PLEKHG3: variants seen among roughly 807,000 people sequenced by gnomAD.
PLEKHG3 encodes the protein pleckstrin homology and RhoGEF domain containing G3.
Under a neutral mutation model 94.9 loss-of-function variants are expected in PLEKHG3, and 62 were observed. The ratio of observed to expected loss-of-function variants is 0.65; its 90% CI spans 0.53 to 0.81. The LOEUF (loss-of-function observed/expected upper bound fraction) is 0.81, where lower values mean the gene tolerates loss of function less well. Among genes scored for constraint, PLEKHG3 ranks in the 30% least tolerant of loss-of-function variants. The pLI, the probability that PLEKHG3 is intolerant of heterozygous loss-of-function variation, is 0.00. For missense variants in PLEKHG3, 1,461 were observed against 1,619.3 expected (o/e 0.90, Z 1.68); for synonymous variants, 614 against 654.0 (o/e 0.94, Z 0.93).
Position 64,750,001 on chromosome 14 carries a change from C to CTT in PLEKHG3, c.*6299_*6300dup. On this transcript the variant is annotated 3_prime_UTR_variant, in exon 17 of 17. Coordinates refer to ENST00000247226, the MANE Select transcript of PLEKHG3 (RefSeq NM_001308147.2). Reference sequence around the variant, plus strand: ...CTCACCTCAGCTTAAAGACGTGCTTCTTCTTCTTGTAGTTGGCAGCAATCT... The same window carrying CTT: ...CTCACCTCAGCTTAAAGACGTGCTTCTTTTCTTCTTGTAGTTGGCAGCAATCT... The CTT allele has an allele frequency of 6.2e-7, 1 of 1,614,158 alleles. No homozygotes were observed. Among genetic ancestry groups the CTT allele is most frequent in the Non-Finnish European group, 8.5e-7 (1 of 1,179,978 alleles).
At chr14:64,711,769 AT>A (rs1003742763) in intron 1 of PLEKHG3, among the ~76,000 whole-genome samples, 44 of 152,024 alleles carry the variant, frequency 2.9e-4, no homozygotes, top group Admixed American at 2.6e-4. Context: ...ATTTACAGAT[AT>A]TTTTTCCCAT....
intron 15 of PLEKHG3, 80 bp from the exon 16 acceptor site, chr14:64,740,956 C>T: frequency 8.5e-7 from 1 of 1,177,484 alleles, no homozygotes; most frequent in Non-Finnish European, 1.2e-6. Context: ...GGGCCTTGAG[C>T]AGGCCATGCT....
chr14:64,732,471 C>A lies in PLEKHG3; in HGVS notation c.1246+11C>A. ...AAATGGATTCCTATTGTAAGTGTACCCTTTTCTGCCTGTTTTGTCCCTAAT... is the reference window on the plus strand; with the variant it reads ...AAATGGATTCCTATTGTAAGTGTACACTTTTCTGCCTGTTTTGTCCCTAAT... On this transcript the variant is annotated intron_variant, in intron 11 of 16. Transcript: ENST00000247226. This position sits in a 1 kb window ranked among gnomAD's most constrained non-coding sequence, Gnocchi z 4.9. 6.2e-7 allele frequency: 1 copy of A among 1,611,496 alleles called. No homozygotes were observed. Among genetic ancestry groups the A allele is most frequent in the Non-Finnish European group, 8.5e-7 (1 of 1,177,644 alleles).
rs1477959185 is a variant in PLEKHG3, at chr14:64,738,784, A to G, written c.1447A>G (p.Arg483Gly). 5.6e-6 allele frequency: 9 copies of G among 1,600,076 alleles called. No individual in the cohort carries two copies. The South Asian group carries it at 1.0e-4, about 18-fold the overall frequency. The change falls in exon 15 of 17, where the codon AGG (arginine) becomes GGG (glycine). Residue 483 changes from arginine (R) to glycine (G), a missense_variant. Around this residue, in one of 3 missense-constraint regions of PLEKHG3, gnomAD observed 1,201 missense variants for 1,295.5 expected, o/e 0.93. Coordinates refer to ENST00000247226, the MANE Select transcript of PLEKHG3 (RefSeq NM_001308147.2). This position sits in a 1 kb window ranked among gnomAD's most constrained non-coding sequence, Gnocchi z 4.8. ...GTCTGAAAGCTCCAGGAGCAGCAGA[A>G]GGCCCAGTGGCCGGTCTCCAACCAG... ...RESESSRSSR[R>G]PSGRSPTSTE... is the part of the protein sequence containing the mutation.
At chr14:64,724,029 T>C (rs901299667) in intron 1 of PLEKHG3, 1 of 152,096 alleles carries the variant, frequency 6.6e-6, no homozygotes, top group Admixed American at 6.6e-5. Flanking sequence ...TCTTCCGAGA[T>C]GTGTTTGAAG....
chr14:64,749,385 G>A lies in PLEKHG3; in HGVS notation c.*5682G>A. ...GCTGGCGTCGGGGCCGGAGAGGGAA[G>A]GCAGGGGCAGGCTCTGCGCCTTGAC... On this transcript the variant is annotated 3_prime_UTR_variant, in exon 17 of 17. Transcript: ENST00000247226. This position sits in a 1 kb window ranked among gnomAD's most constrained non-coding sequence, Gnocchi z 4.7. 1.2e-6 allele frequency: 2 copies of A among 1,609,888 alleles called. No homozygotes were observed. Among genetic ancestry groups the A allele is most frequent in the African/African-American group, 1.3e-5 (1 of 75,062 alleles).
rs977897330 is a variant in PLEKHG3, at chr14:64,745,557, C to T, written c.*1854C>T. 6.6e-6 allele frequency: 1 copy of T among 152,438 alleles called. No individual in the cohort carries two copies. The highest frequency in any genetic ancestry group is 2.4e-5 in the African/African-American group (1 of 41,476). 9.4% of individuals were successfully genotyped at this position (152,438 alleles called of 1,614,324 possible). A position where few individuals can be genotyped will look rare whatever the true frequency, so the allele number is the denominator to read the frequency against. ...CTCACTGCAACCTCCGCCTCCCTGA[C>T]CCTCACACTGTCCAGTGCCCTTGTG... On this transcript the variant is annotated 3_prime_UTR_variant, in exon 17 of 17. Transcript: ENST00000247226. This position sits in a 1 kb window ranked among gnomAD's most constrained non-coding sequence, Gnocchi z 5.0.
In PLEKHG3 at chr14:64,727,725, A is replaced by T. The variant is rs754229198; in HGVS notation, c.94A>T (p.Ser32Cys). The T allele has an allele frequency of 1.2e-6, 2 of 1,612,152 alleles. No homozygotes were observed. The highest frequency in any genetic ancestry group is 2.2e-5 in the South Asian group (2 of 91,004). Residue 32 changes from serine (S) to cysteine (C), a missense_variant, in exon 2 of 17, where the codon AGT becomes TGT. This residue lies in a region of PLEKHG3 where 253 missense variants were observed against 297.8 expected (regional missense o/e 0.85). Transcript: ENST00000247226. This position sits in a 1 kb window ranked among gnomAD's most constrained non-coding sequence, Gnocchi z 6.0. ...CTCCTCGTCGGGCTCCTCCTGTGAC[A>T]GTCGCAGTGCCATGGAGGAGCCCAG... ...TTSSSGSSCD[S>C]RSAMEEPSSS...
At position 64,731,451 on chromosome 14, in the gene PLEKHG3, G is replaced by T; in HGVS notation, c.940G>T (p.Val314Leu). 6.2e-7 allele frequency: 1 copy of T among 1,613,792 alleles called. No individual in the cohort carries two copies. The highest frequency in any genetic ancestry group is 1.6e-4 in the Middle Eastern group (1 of 6,062). ...GGAGGGCACATTCCGCGTGCATCGC[G>T]TGCGCAATGAAAGGACCTTTTTCCT... Reference protein sequence around the residue: ...VLEGTFRVHRVRNERTFFLFD... With the variant: ...VLEGTFRVHRLRNERTFFLFD... Residue 314 changes from valine to leucine, a missense_variant, in exon 8 of 17, where the codon GTG (valine) becomes TTG (leucine). Val to Leu is a conservative substitution (Grantham distance 32). Around this residue, in one of 3 missense-constraint regions of PLEKHG3, gnomAD observed 1,201 missense variants for 1,295.5 expected, o/e 0.93. Transcript: ENST00000247226. This position sits in a 1 kb window ranked among gnomAD's most constrained non-coding sequence, Gnocchi z 6.1.
In PLEKHG3 at chr14:64,730,110, G is replaced by T. The variant is rs375524910; in HGVS notation, c.450-133G>T. 1.1e-4 allele frequency: 65 copies of T among 608,002 alleles called. No homozygotes were observed. The South Asian group carries it at 1.2e-3, about 11-fold the overall frequency. The allele number at this position is 608,002 out of a possible 1,614,324, so 37.7% of individuals were successfully genotyped here. A position where few individuals can be genotyped will look rare whatever the true frequency, so the allele number is the denominator to read the frequency against. ...TGCCTGGGGCAGGACTCCCTCTGAGGCTAGAAGCCCCAGTTCTTTAGCAAA... is the reference window on the plus strand; with the variant it reads ...TGCCTGGGGCAGGACTCCCTCTGAGTCTAGAAGCCCCAGTTCTTTAGCAAA... On this transcript the variant is annotated intron_variant, in intron 3 of 16. Coordinates refer to ENST00000247226, the MANE Select transcript of PLEKHG3 (RefSeq NM_001308147.2). The surrounding 1 kb of genome is among the most constrained non-coding windows in gnomAD (Gnocchi z 5.4).
Position 64,744,383 on chromosome 14 carries a change from G to A in PLEKHG3, c.*680G>A, listed in dbSNP as rs2081788781. On this transcript the variant is annotated 3_prime_UTR_variant, in exon 17 of 17. Coordinates refer to ENST00000247226, the MANE Select transcript of PLEKHG3 (RefSeq NM_001308147.2). ...TCCTTCCTAGGCTTGGCTGGGGTAG[G>A]GAAGGTTATTCATGGGCCAGGGATG... 1 of 152,622 alleles carries A rather than the reference G, an allele frequency of 6.6e-6. No individual in the cohort carries two copies. Among genetic ancestry groups the A allele is most frequent in the Non-Finnish European group, 1.5e-5 (1 of 68,062 alleles). The allele number at this position is 152,622 out of a possible 1,614,324, so 9.5% of individuals were successfully genotyped here. A position where few individuals can be genotyped will look rare whatever the true frequency, so the allele number is the denominator to read the frequency against.
chr14:64,710,897 A>G (rs1403072489), intron 1 of PLEKHG3, among the ~76,000 whole-genome samples: 1 of 151,836 alleles, frequency 6.6e-6, no homozygotes, highest in East Asian at 1.9e-4. Flanking sequence ...TTGATAATTT[A>G]TGCTTTGCTG....
At chr14:64,729,221 G>C (rs1021886367) in intron 3 of PLEKHG3, 128 bp downstream of exon 3, 1 of 561,076 alleles carries the variant, frequency 1.8e-6, no homozygotes, top group Non-Finnish European at 3.2e-6. Context: ...GATCTCTGAG[G>C]ACAGGGAAGG....
chr14:64,731,674 G>T lies in PLEKHG3; in HGVS notation c.1033-40G>T. 1 of 1,558,100 alleles carries T rather than the reference G, an allele frequency of 6.4e-7. No individual in the cohort carries two copies. The highest frequency in any genetic ancestry group is 8.9e-7 in the Non-Finnish European group (1 of 1,129,088). ...ATCACCCTCCCTGCTTCCCCAGGCT[G>T]TCAACCTTGTGCTTGACTGTCCTTT... is the stretch of plus-strand genomic sequence containing the variant. On this transcript the variant is annotated intron_variant, in intron 8 of 16. Transcript: ENST00000247226. This position sits in a 1 kb window ranked among gnomAD's most constrained non-coding sequence, Gnocchi z 6.1.
In PLEKHG3 at chr14:64,717,112, C is replaced by CGTGT. The variant is rs3063751; in HGVS notation, c.-39-10447_-39-10444dup. Reference sequence around the variant, plus strand: ...GGCTGGCCGCCTTTGGGAATTTACACGTGTGTGTGTGTGTGTGTGTGTGTG... The same window carrying CGTGT: ...GGCTGGCCGCCTTTGGGAATTTACACGTGTGTGTGTGTGTGTGTGTGTGTGTGTG... On this transcript the variant is annotated intron_variant, in intron 1 of 16. Transcript: ENST00000247226. This position sits in a 1 kb window ranked among gnomAD's most constrained non-coding sequence, Gnocchi z 4.7. Among the ~76,000 whole-genome samples, 22,322 of 144,240 alleles carry CGTGT rather than the reference C, an allele frequency of 0.15. 1,787 individuals carry two copies. Among genetic ancestry groups the CGTGT allele is most frequent in the African/African-American group, 0.17 (6,726 of 38,682 alleles). 94.6% of individuals were successfully genotyped at this position (144,240 alleles called of 152,430 possible). A position where few individuals can be genotyped will look rare whatever the true frequency, so the allele number is the denominator to read the frequency against.
rs1188268510 is a variant in PLEKHG3 at position 64,746,343 on chromosome 14, A to G, written c.*2640A>G. On this transcript the variant is annotated 3_prime_UTR_variant, in exon 17 of 17. Coordinates refer to ENST00000247226, the MANE Select transcript of PLEKHG3 (RefSeq NM_001308147.2). The surrounding 1 kb of genome is among the most constrained non-coding windows in gnomAD (Gnocchi z 4.9). ...TGGGTTTCCTCTGGTTGGTGGAAGC[A>G]CGGTTGAGCAGGTGGAGGACAGGAC... 6.6e-6 allele frequency: 1 copy of G among 152,570 alleles called. No individual in the cohort carries two copies. Among genetic ancestry groups the G allele is most frequent in the African/African-American group, 2.4e-5 (1 of 41,448 alleles). 9.5% of individuals were successfully genotyped at this position (152,570 alleles called of 1,614,324 possible).
At position 64,731,002 on chromosome 14, in the gene PLEKHG3, G is replaced by C; in HGVS notation, c.718-36G>C. On this transcript the variant is annotated intron_variant, in intron 6 of 16. Transcript: ENST00000247226. This position sits in a 1 kb window ranked among gnomAD's most constrained non-coding sequence, Gnocchi z 6.1. ...AGGGCCTGGGGAGGGCAGGGCCTTC[G>C]GGTCAGGGGCACCTAAGCGTCTATC... 6.2e-7 allele frequency: 1 copy of C among 1,613,798 alleles called. No individual in the cohort carries two copies. Among genetic ancestry groups the C allele is most frequent in the Non-Finnish European group, 8.5e-7 (1 of 1,180,000 alleles).
Position 64,741,477 on chromosome 14 carries a change from C to T in PLEKHG3, c.1960C>T (p.His654Tyr). The change falls in exon 16 of 17, where the codon CAT becomes TAT. Residue 654 changes from histidine (H) to tyrosine (Y), a missense_variant. His to Tyr is a moderately conservative substitution (Grantham distance 83, BLOSUM62 2). Transcript: ENST00000247226. Reference protein sequence around the residue: ...LEGSEKGLARHGSATDSLSCQ... With the variant: ...LEGSEKGLARYGSATDSLSCQ... ...GGGCAGCGAGAAGGGCCTGGCCCGG[C>T]ATGGCAGTGCCACAGACTCCCTCAG... is the stretch of plus-strand genomic sequence containing the variant. The T allele has an allele frequency of 6.2e-7, 1 of 1,612,776 alleles. No homozygotes were observed. Among genetic ancestry groups the T allele is most frequent in the Non-Finnish European group, 8.5e-7 (1 of 1,180,010 alleles).
At position 64,738,215 on chromosome 14, in the gene PLEKHG3, G is replaced by A. The variant is rs1220387805; in HGVS notation, c.1405-527G>A. Reference sequence around the variant, plus strand: ...GGGCCAACGCTTTACTTTTCTCCCGGGGCGCTATGGTGAGGTGTCTCTTCG... The same window carrying A: ...GGGCCAACGCTTTACTTTTCTCCCGAGGCGCTATGGTGAGGTGTCTCTTCG... On this transcript the variant is annotated intron_variant, in intron 14 of 16. Coordinates refer to ENST00000247226, the MANE Select transcript of PLEKHG3 (RefSeq NM_001308147.2). The surrounding 1 kb of genome is among the most constrained non-coding windows in gnomAD (Gnocchi z 4.8). The A allele has an allele frequency of 5.4e-6, 7 of 1,288,270 alleles. No homozygotes were observed. The highest frequency in any genetic ancestry group is 2.7e-4 in the Middle Eastern group (1 of 3,714). 79.8% of individuals were successfully genotyped at this position (1,288,270 alleles called of 1,614,324 possible). A position where few individuals can be genotyped will look rare whatever the true frequency, so the allele number is the denominator to read the frequency against.
Sources: gnomAD v4.1 joint callset for allele counts (sites outside exome capture counted in the v4.1 genomes callset) on GRCh38, gnomAD v4.1.1 for gene constraint, gnomAD v4.1.1 regional missense constraint, Gnocchi (gnomAD v3.1) non-coding constraint, MANE v1.5 for transcripts, NCBI Gene and HGNC (gene_info 2026-07-23, HGNC 2026-07-21) for gene names.